The following TNIK variants were observed in gnomAD, a reference collection of about 807,000 sequenced individuals.
TNIK encodes the protein TRAF2 and NCK interacting kinase.
A neutral mutation model predicts 191.3 loss-of-function variants in TNIK; 49 were observed. The ratio of observed to expected loss-of-function variants is 0.26; its 90% CI spans 0.20 to 0.32. The LOEUF is 0.32. TNIK is among the 10% of genes least tolerant of loss of function. The pLI is 1.00. For synonymous variants in TNIK, 594 were observed against 600.9 expected (o/e 0.99, Z 0.17); for missense variants, 1,155 against 1,702.3 (o/e 0.68, Z 5.66).
intron 5 of TNIK, 62 bp downstream of exon 5, chr3:171,194,463 A>C: frequency 7.0e-7 from 1 of 1,429,410 alleles, no homozygotes; most frequent in Non-Finnish European, 9.7e-7. Context: ...TCAATCCCTC[A>C]TAAGATATCA....
chr3:171,414,433 C>G (rs1722791777), intron 1 of TNIK, among the ~76,000 whole-genome samples: 1 of 152,190 alleles, frequency 6.6e-6, no homozygotes, highest in East Asian at 1.9e-4. Flanking sequence ...ATCTGTTTAG[C>G]AAAACTATAA....
At chr3:171,352,988 AAAT>A (rs1350386693) in intron 2 of TNIK, among the ~76,000 whole-genome samples, 1 of 152,182 alleles carries the variant, frequency 6.6e-6, no homozygotes, top group Non-Finnish European at 1.5e-5. Flanking sequence ...CTCTCCTCCT[AAAT>A]AGGATAATTT....
In TNIK at chr3:171,105,945, G is replaced by A. The variant is rs141191395; in HGVS notation, c.2406+1238C>T. Among the ~76,000 whole-genome samples the A allele has an allele frequency of 9.9e-5, 15 of 152,280 alleles. No homozygotes were observed. In the East Asian group the frequency reaches 2.5e-3, roughly 25 times the overall value. On this transcript the variant is annotated intron_variant, in intron 21 of 32. Transcript: ENST00000436636. Reference sequence around the variant, plus strand: ...GAGAGAGAGGGGCAAGCAAGGCCACGGCACAGAGCAATTAAAAACACACTC... The same window carrying A: ...GAGAGAGAGGGGCAAGCAAGGCCACAGCACAGAGCAATTAAAAACACACTC...
intron 1 of TNIK, among the ~76,000 whole-genome samples, chr3:171,456,781 T>C (rs1728842257): frequency 6.6e-6 from 1 of 152,236 alleles, no homozygotes. Flanking sequence ...CCTGGTGAAA[T>C]TATTCCTTTC....
At chr3:171,376,070 C>T (rs1443450210) in intron 1 of TNIK, among the ~76,000 whole-genome samples, 1 of 152,138 alleles carries the variant, frequency 6.6e-6, no homozygotes, top group Non-Finnish European at 1.5e-5. Context: ...CTTAAGAAGA[C>T]CAAAATGTTA....
At chr3:171,402,823 AT>A (rs1448853381) in intron 1 of TNIK, among the ~76,000 whole-genome samples, 1 of 152,204 alleles carries the variant, frequency 6.6e-6, no homozygotes, top group Non-Finnish European at 1.5e-5. Flanking sequence ...TAATGTTCCC[AT>A]TTTTTGGAGG....
chr3:171,137,938 A>C (rs189714932), intron 15 of TNIK, among the ~76,000 whole-genome samples: 1 of 149,794 alleles, frequency 6.7e-6, no homozygotes, highest in African/African-American at 2.5e-5. Context: ...GTTATTTCCT[A>C]TAAAAGTCCA....
intron 3 of TNIK, among the ~76,000 whole-genome samples, chr3:171,226,253 T>A (rs1303497681): frequency 3.9e-5 from 6 of 152,166 alleles, no homozygotes; most frequent in Non-Finnish European, 8.8e-5. Context: ...TAAGTAGTAA[T>A]GTTGTATGGA....
At chr3:171,157,350 G>T in intron 12 of TNIK, 110 bp downstream of exon 12, 1 of 1,324,656 alleles carries the variant, frequency 7.5e-7, no homozygotes, top group Non-Finnish European at 1.0e-6. Context: ...ACCCCTTTGT[G>T]CCTCTAAGCT....
intron 1 of TNIK, among the ~76,000 whole-genome samples, chr3:171,387,813 G>A (rs1394806957): frequency 6.6e-6 from 1 of 152,140 alleles, no homozygotes; most frequent in African/African-American, 2.4e-5. Context: ...GCACTGGCCA[G>A]GAAACATTAG....
intron 3 of TNIK, among the ~76,000 whole-genome samples, chr3:171,226,519 C>T (rs1242503556): frequency 6.6e-6 from 1 of 152,162 alleles, no homozygotes; most frequent in African/African-American, 2.4e-5. Flanking sequence ...CAAGACACTT[C>T]TATTATGCTT....
chr3:171,375,733 A>T lies in TNIK; in HGVS notation c.58-6048T>A, dbSNP rs185859444. On this transcript the variant is annotated intron_variant, in intron 1 of 32. Coordinates refer to ENST00000436636, the MANE Select transcript of TNIK (RefSeq NM_015028.4). ...CCCAAAGATTGAAAAAGGCAAACTT[A>T]AGTCTGTAACTAGGATGACTATTTC... is the stretch of plus-strand genomic sequence containing the variant. Among the ~76,000 whole-genome samples, 3 of 152,340 alleles carry T rather than the reference A, an allele frequency of 2.0e-5. No homozygotes were observed. The East Asian group carries it at 5.8e-4, about 29-fold the overall frequency.
At chr3:171,309,215 C>G (rs1274661884) in intron 2 of TNIK, among the ~76,000 whole-genome samples, 1 of 152,118 alleles carries the variant, frequency 6.6e-6, no homozygotes, top group African/African-American at 2.4e-5. Flanking sequence ...GAATACTATG[C>G]ATCCATGAGA....
At chr3:171,250,460 G>A (rs966195898) in intron 2 of TNIK, among the ~76,000 whole-genome samples, 13 of 152,130 alleles carry the variant, frequency 8.5e-5, no homozygotes, top group Non-Finnish European at 7.4e-5. Flanking sequence ...TAAAAATTTC[G>A]TGTCCAAACC....
In TNIK at chr3:171,460,216, C is replaced by T; in HGVS notation, c.-153G>A. ...CCCGCCCACCCCAGCCCCACAGCGC[C>T]GGATCCCGATCCTCCGCGCGTCGGT... On this transcript the variant is annotated 5_prime_UTR_variant, in exon 1 of 33. Transcript: ENST00000436636. This position sits in a 1 kb window ranked among gnomAD's most constrained non-coding sequence, Gnocchi z 6.8. 1 of 956,202 alleles carries T rather than the reference C, an allele frequency of 1.0e-6. No homozygotes were observed. Among genetic ancestry groups the T allele is most frequent in the Non-Finnish European group, 1.6e-6 (1 of 641,224 alleles). The allele number at this position is 956,202 out of a possible 1,614,324, so 59.2% of individuals were successfully genotyped here.
At chr3:171,266,346 T>TA (rs533350901) in intron 2 of TNIK, among the ~76,000 whole-genome samples, 4 of 152,100 alleles carry the variant, frequency 2.6e-5, no homozygotes, top group East Asian at 1.9e-4. Flanking sequence ...TTATTTTAAA[T>TA]AAAAAAAGCC....
chr3:171,143,028 T>C (rs554745817), intron 12 of TNIK, among the ~76,000 whole-genome samples: 36 of 152,344 alleles, frequency 2.4e-4, no homozygotes, highest in Non-Finnish European at 3.4e-4. Context: ...GTATACAGTA[T>C]TGATTGCAAC....
intron 2 of TNIK, among the ~76,000 whole-genome samples, chr3:171,352,733 C>T (rs188830112): frequency 2.6e-5 from 4 of 152,266 alleles, no homozygotes; most frequent in Admixed American, 1.3e-4. Flanking sequence ...CCCAAGGGTA[C>T]TTAAGGACAG....
chr3:171,292,161 A>T (rs1212210274), intron 2 of TNIK, among the ~76,000 whole-genome samples: 1 of 152,180 alleles, frequency 6.6e-6, no homozygotes, highest in African/African-American at 2.4e-5. Flanking sequence ...TCTCAATTAT[A>T]AGAGTTGCTT....
Sources: allele counts gnomAD v4.1 joint callset (sites outside exome capture counted in the v4.1 genomes callset), GRCh38; gene constraint gnomAD v4.1.1; non-coding constraint Gnocchi (gnomAD v3.1); transcripts MANE v1.5; gene names NCBI Gene and HGNC (gene_info 2026-07-23, HGNC 2026-07-21).